NBEA: variants seen among roughly 807,000 people sequenced by gnomAD.
The protein encoded by NBEA is neurobeachin.
A neutral mutation model predicts 343.4 loss-of-function variants in NBEA; 44 were observed. The observed-to-expected ratio is 0.13, with a 90% CI of 0.10 to 0.16. The LOEUF (loss-of-function observed/expected upper bound fraction) is 0.16. NBEA is among the 10% of genes least tolerant of loss of function. The pLI is 1.00. For missense variants in NBEA, 2,555 were observed against 3,631.3 expected, an observed-to-expected ratio of 0.70 and a Z score of 7.62; for synonymous variants, 1,175 against 1,238.7, an observed-to-expected ratio of 0.95 and a Z score of 1.08.
intron 35 of NBEA, among the ~76,000 whole-genome samples, chr13:35,293,281 T>A (rs556224861): frequency 1.3e-3 from 200 of 152,158 alleles, no homozygotes; most frequent in African/African-American, 4.7e-3. Context: ...GAAAACATAT[T>A]TAAGTCTTAA....
chr13:35,000,797 T>A (rs553056605), intron 1 of NBEA, among the ~76,000 whole-genome samples: 9 of 152,020 alleles, frequency 5.9e-5, no homozygotes, highest in South Asian at 2.1e-4. Context: ...ATTGTTTTTT[T>A]AAAAACCTAA....
intron 46 of NBEA, among the ~76,000 whole-genome samples, chr13:35,586,080 T>A (rs2081281017): frequency 6.6e-6 from 1 of 152,192 alleles, no homozygotes; most frequent in Non-Finnish European, 1.5e-5. Context: ...TTCCCCTTAT[T>A]AAGATATACC....
At chr13:35,178,970 A>G (rs1398041654) in intron 28 of NBEA, among the ~76,000 whole-genome samples, 2 of 151,672 alleles carry the variant, frequency 1.3e-5, no homozygotes, top group Non-Finnish European at 3.0e-5. Flanking sequence ...GACGTAATAT[A>G]TAACATACCG....
intron 33 of NBEA, among the ~76,000 whole-genome samples, chr13:35,214,238 A>G (rs2073945108): frequency 6.6e-6 from 1 of 151,888 alleles, no homozygotes; most frequent in South Asian, 2.1e-4. Flanking sequence ...GTGGACATAA[A>G]TTTTCATTTC....
intron 16 of NBEA, among the ~76,000 whole-genome samples, chr13:35,120,269 G>A (rs531567859): frequency 5.3e-5 from 8 of 152,210 alleles, no homozygotes; most frequent in African/African-American, 1.7e-4. Context: ...TGTATGGTAC[G>A]AAAGAACTAA....
At chr13:35,404,119 A>G (rs971299060) in intron 38 of NBEA, among the ~76,000 whole-genome samples, 10 of 152,136 alleles carry the variant, frequency 6.6e-5, no homozygotes, top group Non-Finnish European at 1.0e-4. Context: ...GCTGGAGAGG[A>G]TGTGGAGAAA....
chr13:35,188,543 C>T (rs1440338060), intron 30 of NBEA, among the ~76,000 whole-genome samples: 1 of 152,100 alleles, frequency 6.6e-6, no homozygotes, highest in Admixed American at 6.6e-5. Flanking sequence ...CCAGATTCAT[C>T]CATGTTGTCA....
Position 35,171,444 on chromosome 13 carries a change from T to C in NBEA, c.4415T>C (p.Leu1472Pro). ...MSSGGLMRQC[L>P]RLVCCVAVRN... The stretch of plus-strand genomic sequence containing the variant: ...TCTGGAGGTTTAATGCGACAGTGCC[T>C]AAGATTAGGTAAGTCTGTTAAAACA... The change falls in exon 26 of 59, where the codon CTA becomes CCA. Residue 1472 changes from leucine (L) to proline (P), a missense_variant. Physicochemically the swap from Leu to Pro is moderately conservative, Grantham distance 98. Around this residue, in one of 21 missense-constraint regions of NBEA, gnomAD observed 168 missense variants for 193.0 expected, o/e 0.87. Coordinates refer to ENST00000379939, the MANE Select transcript of NBEA (RefSeq NM_001385012.1). 1 of 1,608,742 alleles carries C rather than the reference T, an allele frequency of 6.2e-7. No homozygotes were observed. The highest frequency in any genetic ancestry group is 8.5e-7 in the Non-Finnish European group (1 of 1,176,352).
At chr13:34,955,463 T>G (rs1432626174) in intron 1 of NBEA, among the ~76,000 whole-genome samples, 2 of 152,080 alleles carry the variant, frequency 1.3e-5, no homozygotes, top group Non-Finnish European at 2.9e-5. Flanking sequence ...TTAATGGAGC[T>G]CCTAACTTTC....
chr13:35,402,099 A>G (rs899120597), intron 38 of NBEA, among the ~76,000 whole-genome samples: 3 of 152,012 alleles, frequency 2.0e-5, no homozygotes, highest in Non-Finnish European at 4.4e-5. Context: ...GAAATAGTTT[A>G]AAACCACTTC....
intron 45 of NBEA, among the ~76,000 whole-genome samples, chr13:35,579,490 A>G (rs562145366): frequency 6.6e-6 from 1 of 152,234 alleles, no homozygotes; most frequent in African/African-American, 2.4e-5. Context: ...ATATTGGTAA[A>G]TCAAGGCTAA....
chr13:35,662,178 G>A (rs1308177781), intron 55 of NBEA, among the ~76,000 whole-genome samples: 1 of 152,192 alleles, frequency 6.6e-6, no homozygotes, highest in Non-Finnish European at 1.5e-5. Context: ...AAAGGAGGAT[G>A]GAATTTGTTT....
At chr13:35,213,507 T>G (rs187556425) in intron 33 of NBEA, among the ~76,000 whole-genome samples, 1 of 152,104 alleles carries the variant, frequency 6.6e-6, no homozygotes, top group African/African-American at 2.4e-5. Context: ...TTTTCATAAG[T>G]AATGGAGTAT....
At chr13:35,146,192 G>A (rs2068410451) in intron 18 of NBEA, among the ~76,000 whole-genome samples, 1 of 152,124 alleles carries the variant, frequency 6.6e-6, no homozygotes, top group Admixed American at 6.5e-5. Context: ...TAAACATAAA[G>A]TGACTCCAAC....
chr13:35,511,637 A>T (rs1232946559), intron 41 of NBEA, among the ~76,000 whole-genome samples: 1 of 152,162 alleles, frequency 6.6e-6, no homozygotes, highest in Non-Finnish European at 1.5e-5. Context: ...CTCTCTATAT[A>T]TGCAGTTAGC....
intron 1 of NBEA, among the ~76,000 whole-genome samples, chr13:34,994,198 C>CAA (rs57966701): frequency 1.8e-3 from 54 of 29,896 alleles, no homozygotes; most frequent in Non-Finnish European, 3.1e-3. Flanking sequence ...GCTCTGTCTC[C>CAA]AAAAAAAAAA....
Position 35,142,314 on chromosome 13 carries a change from T to G in NBEA, c.2382T>G (p.Leu794=), listed in dbSNP as rs1211874498. The change falls in exon 18 of 59, where the codon CTT becomes CTG. Residue 794 remains leucine, a synonymous_variant. Coordinates refer to ENST00000379939, the MANE Select transcript of NBEA (RefSeq NM_001385012.1). ...ACACCCATAGTCTTTTCACTCTTCT[T>G]GGAGAAAGGCTGATGTTGCATACAA... ...IMHTHSLFTL[L]GERLMLHTNT... The G allele has an allele frequency of 6.2e-7, 1 of 1,613,222 alleles. No individual in the cohort carries two copies. The highest frequency in any genetic ancestry group is 2.2e-5 in the East Asian group (1 of 44,794).
At chr13:35,430,755 A>G (rs2045048882) in intron 38 of NBEA, among the ~76,000 whole-genome samples, 1 of 151,784 alleles carries the variant, frequency 6.6e-6, no homozygotes, top group African/African-American at 2.4e-5. Context: ...GAAAATCAAT[A>G]TAGCATGATT....
chr13:35,399,359 G>T (rs923344433), intron 38 of NBEA, among the ~76,000 whole-genome samples: 1 of 152,120 alleles, frequency 6.6e-6, no homozygotes, highest in Non-Finnish European at 1.5e-5. Context: ...TTGCATGGCT[G>T]GGGAGGCCTG....
Sources: allele counts gnomAD v4.1 joint callset (sites outside exome capture counted in the v4.1 genomes callset), GRCh38; gene constraint gnomAD v4.1.1; regional missense constraint gnomAD v4.1.1; transcripts MANE v1.5; gene names NCBI Gene and HGNC (gene_info 2026-07-23, HGNC 2026-07-21).